Variants in PHRF1 observed in about 807,000 individuals in gnomAD.
PHRF1 encodes PHD and RING finger domain-containing protein 1.
Under a neutral mutation model 128.9 loss-of-function variants are expected in PHRF1, and 53 were observed. The observed-to-expected ratio is 0.41, with a 90% CI of 0.33 to 0.52. The LOEUF (loss-of-function observed/expected upper bound fraction) is 0.52. Ranked by LOEUF, PHRF1 falls within the 20% of genes least tolerant of loss-of-function variation. PHRF1 has a pLI of 0.21. For synonymous variants in PHRF1, 1,178 were observed against 980.6 expected (o/e 1.20, Z -3.76); for missense variants, 2,503 against 2,284.5 (o/e 1.10, Z -1.95).
chr11:609,830 C>T (rs752671091), intron 14 of PHRF1, 110 bp downstream of exon 14: 33 of 740,824 alleles, frequency 4.5e-5, no homozygotes, highest in Non-Finnish European at 6.7e-5. Context: ...CCACCGAGGA[C>T]AGAGCCCCCC....
In PHRF1 at chr11:608,679, A is replaced by T. The variant is rs765402232; in HGVS notation, c.3223A>T (p.Arg1075Trp). 2.0e-5 allele frequency: 32 copies of T among 1,612,260 alleles called. No individual in the cohort carries two copies. The highest frequency in any genetic ancestry group is 2.7e-5 in the Non-Finnish European group (32 of 1,179,778). The change falls in exon 14 of 18, where the codon AGG becomes TGG. Residue 1075 changes from arginine to tryptophan, a missense_variant. Transcript: ENST00000264555. ...AKRKKAKDKSREHRRGPWGHS... is the reference protein window; with the variant it reads ...AKRKKAKDKSWEHRRGPWGHS... ...GAGGAAGAAAGCCAAGGACAAGAGC[A>T]GGGAGCACAGGCGGGGCCCCTGGGG...
At chr11:582,866 C>G (rs1006118697) in intron 3 of PHRF1, among the ~76,000 whole-genome samples, 1 of 150,692 alleles carries the variant, frequency 6.6e-6, no homozygotes, top group Non-Finnish European at 1.5e-5. Flanking sequence ...AACCCCCTCT[C>G]TACTACAAAT....
rs1432195922 is a variant in PHRF1, at chr11:597,660, C to T, written c.894+90C>T. 1.4e-6 allele frequency: 2 copies of T among 1,461,230 alleles called. No homozygotes were observed. Among genetic ancestry groups the T allele is most frequent in the African/African-American group, 2.8e-5 (2 of 71,324 alleles). The allele number at this position is 1,461,230 out of a possible 1,614,324, so 90.5% of individuals were successfully genotyped here. A position where few individuals can be genotyped will look rare whatever the true frequency, so the allele number is the denominator to read the frequency against. On this transcript the variant is annotated intron_variant, in intron 8 of 17. Transcript: ENST00000264555. This position sits in a 1 kb window ranked among gnomAD's most constrained non-coding sequence, Gnocchi z 6.5. Reference sequence around the variant, plus strand: ...GGGTGGGTGGGAGGGGCGTCGTCGGCACTGTGGGGTCCGCCCGGCCCCGGT... The same window carrying T: ...GGGTGGGTGGGAGGGGCGTCGTCGGTACTGTGGGGTCCGCCCGGCCCCGGT...
Position 587,016 on chromosome 11 carries a change from G to A in PHRF1, c.215-243G>A, listed in dbSNP as rs1014683423. On this transcript the variant is annotated intron_variant, in intron 3 of 17. Coordinates refer to ENST00000264555, the MANE Select transcript of PHRF1 (RefSeq NM_001286581.2). ...CTTAGAGGAGCTGGTCTGGCACTCA[G>A]GACGCTCAGCTTCCCGCCCCTCGGT... Among the ~76,000 whole-genome samples the A allele has an allele frequency of 3.3e-5, 5 of 152,334 alleles. No homozygotes were observed. The South Asian group carries it at 1.0e-3, about 32-fold the overall frequency.
At chr11:596,790 TG>T in intron 6 of PHRF1, 132 bp from the exon 7 acceptor site, 1 of 682,692 alleles carries the variant, frequency 1.5e-6, no homozygotes, top group Non-Finnish European at 2.6e-6. Context: ...TGGAGGGATG[TG>T]GGTCAGCCCA....
Position 597,442 on chromosome 11 carries a change from G to C in PHRF1, c.766G>C (p.Val256Leu), listed in dbSNP as rs1423731752. The C allele has an allele frequency of 6.2e-7, 1 of 1,613,058 alleles. No individual in the cohort carries two copies. The change falls in exon 8 of 18, where the codon GTG becomes CTG. Residue 256 changes from valine to leucine, a missense_variant. Val to Leu is a conservative substitution (Grantham distance 32). Coordinates refer to ENST00000264555, the MANE Select transcript of PHRF1 (RefSeq NM_001286581.2). The surrounding 1 kb of genome is among the most constrained non-coding windows in gnomAD (Gnocchi z 6.5). ...EEEVSLLLADVVPTTSRLRPR... is the reference protein window; with the variant it reads ...EEEVSLLLADLVPTTSRLRPR... ...GGAGGTCTCCCTGCTCTTGGCTGAT[G>C]TGGTGCCCACCACCAGCAGGCTTCG...
chr11:595,301 TAAAAACA>T (rs766680269), intron 6 of PHRF1, among the ~76,000 whole-genome samples: 1 of 152,090 alleles, frequency 6.6e-6, no homozygotes, highest in Non-Finnish European at 1.5e-5. Flanking sequence ...CCAGAGAGAC[TAAAAACA>T]AAAAACAAAA....
At chr11:590,486 ACAGT>A (rs1311175885) in intron 4 of PHRF1, among the ~76,000 whole-genome samples, 1 of 152,154 alleles carries the variant, frequency 6.6e-6, no homozygotes, top group Non-Finnish European at 1.5e-5. Context: ...ACAGGAAGAA[ACAGT>A]CAGGTGGGAG....
intron 6 of PHRF1, among the ~76,000 whole-genome samples, chr11:595,898 C>G (rs537541338): frequency 6.6e-6 from 1 of 152,198 alleles, no homozygotes; most frequent in African/African-American, 2.4e-5. Flanking sequence ...CCGCCGCCCC[C>G]CTCTGCTGGC....
rs758840346 is a variant in PHRF1 at position 610,590 on chromosome 11, C to T, written c.4506C>T (p.Ile1502=). The T allele has an allele frequency of 2.5e-6, 4 of 1,606,708 alleles. No individual in the cohort carries two copies. The highest frequency in any genetic ancestry group is 8.5e-7 in the Non-Finnish European group (1 of 1,179,780). The change falls in exon 16 of 18, where the codon ATC becomes ATT. Residue 1502 remains isoleucine, a synonymous_variant. Coordinates refer to ENST00000264555, the MANE Select transcript of PHRF1 (RefSeq NM_001286581.2). ...TCAGCCAGCCCACGGTCCAGTTCAT[C>T]CTTCAGGGGAGCCTGCCGCTAGTGG... ...ALVSQPTVQF[I]LQGSLPLVGC...
intron 10 of PHRF1, among the ~76,000 whole-genome samples, chr11:602,750 G>GTTTTTTTTTTT (rs1564857849): frequency 7.0e-6 from 1 of 142,460 alleles, no homozygotes. Context: ...ATCTTTTTTG[G>GTTTTTTTTTTT]TTTTGTTTTT....
At chr11:579,023 A>G (rs1378070234) in intron 1 of PHRF1, among the ~76,000 whole-genome samples, 1 of 152,144 alleles carries the variant, frequency 6.6e-6, no homozygotes, top group South Asian at 2.1e-4. Context: ...CTATTTTAGT[A>G]GAGATGGGGT....
chr11:582,780 T>TC (rs780892291), intron 3 of PHRF1, among the ~76,000 whole-genome samples: 1 of 151,594 alleles, frequency 6.6e-6, no homozygotes, highest in African/African-American at 2.4e-5. Context: ...CACCTCAGCC[T>TC]CCCAAAGTGC....
At chr11:609,980 G>A (rs1856263386) in intron 14 of PHRF1, among the ~76,000 whole-genome samples, 1 of 152,218 alleles carries the variant, frequency 6.6e-6, no homozygotes, top group South Asian at 2.1e-4. Flanking sequence ...TAGTGGGTGT[G>A]GGGGTCTCCT....
In PHRF1 at chr11:610,482, G is replaced by T; in HGVS notation, c.4417-19G>T. 1.3e-6 allele frequency: 2 copies of T among 1,597,584 alleles called. No homozygotes were observed. Among genetic ancestry groups the T allele is most frequent in the Middle Eastern group, 1.7e-4 (1 of 5,726 alleles). On this transcript the variant is annotated intron_variant, in intron 15 of 17. Coordinates refer to ENST00000264555, the MANE Select transcript of PHRF1 (RefSeq NM_001286581.2). ...TGCTAGCTGTAGGGCCCAGTGCTCA[G>T]CAGGGGTGTCCCTCCCAGGTTTACA...
chr11:596,950 T>C lies in PHRF1; in HGVS notation c.648T>C (p.Pro216=). The C allele has an allele frequency of 6.8e-6, 11 of 1,613,846 alleles. No individual in the cohort carries two copies. The highest frequency in any genetic ancestry group is 9.3e-6 in the Non-Finnish European group (11 of 1,179,862). ...AGYHMECLDP[P]LQEVPVDEWF... ...ACCACATGGAATGCTTGGACCCCCC[T>C]CTCCAGGAGGTGCCGGTGGACGAGT... The change falls in exon 7 of 18, where the codon CCT becomes CCC. Residue 216 remains proline, a synonymous_variant. Coordinates refer to ENST00000264555, the MANE Select transcript of PHRF1 (RefSeq NM_001286581.2).
At chr11:588,482 C>T (rs760600320) in intron 4 of PHRF1, among the ~76,000 whole-genome samples, 2 of 152,092 alleles carry the variant, frequency 1.3e-5, no homozygotes, top group East Asian at 1.9e-4. Flanking sequence ...CGGGTTCAAG[C>T]GATTCTCCTG....
intron 3 of PHRF1, among the ~76,000 whole-genome samples, chr11:583,779 C>T (rs1305829872): frequency 6.6e-6 from 1 of 152,178 alleles, no homozygotes; most frequent in African/African-American, 2.4e-5. Flanking sequence ...CTGGTGGTAC[C>T]TCCTTCCTTG....
chr11:585,849 T>G (rs1854521035), intron 3 of PHRF1, among the ~76,000 whole-genome samples: 1 of 151,228 alleles, frequency 6.6e-6, no homozygotes, highest in Admixed American at 6.6e-5. Flanking sequence ...TCCAGCTAAT[T>G]TTTTGTATAT....
Sources: gnomAD v4.1 joint callset for allele counts (sites outside exome capture counted in the v4.1 genomes callset) on GRCh38, gnomAD v4.1.1 for gene constraint, Gnocchi (gnomAD v3.1) non-coding constraint, MANE v1.5 for transcripts, NCBI Gene and HGNC (gene_info 2026-07-23, HGNC 2026-07-21) for gene names.